The following LGSN variants were observed in gnomAD, a reference collection of about 807,000 sequenced individuals.
LGSN encodes the protein lengsin, lens protein with glutamine synthetase domain.
LGSN carries 21 observed loss-of-function variants against 19.5 expected under a neutral mutation model. The observed-to-expected ratio is 1.07, with a 90% CI of 0.76 to 1.55. The LOEUF (loss-of-function observed/expected upper bound fraction) is 1.55, where lower values mean the gene tolerates loss of function less well. Ranked by LOEUF, LGSN falls within the 40% of genes most tolerant of loss-of-function variation. LGSN has a pLI of 0.00. For synonymous variants in LGSN, 257 were observed against 215.6 expected (o/e 1.19, Z -1.68); for missense variants, 673 against 608.5 (o/e 1.11, Z -1.12).
intron 1 of LGSN, among the ~76,000 whole-genome samples, chr6:63,297,978 T>C (rs1413337841): frequency 6.6e-6 from 1 of 152,232 alleles, no homozygotes; most frequent in Non-Finnish European, 1.5e-5. Flanking sequence ...ATCACTTTTC[T>C]TTTCCTGTCC....
intron 3 of LGSN, among the ~76,000 whole-genome samples, 176 bp downstream of exon 3, chr6:63,285,411 A>T (rs1157731665): frequency 6.6e-6 from 1 of 152,216 alleles, no homozygotes; most frequent in African/African-American, 2.4e-5. Flanking sequence ...GTACATGTTT[A>T]GCTCCTTGGG....
chr6:63,405,599 G>A, the LGSN span, among the ~76,000 whole-genome samples: 513 of 152,292 alleles, frequency 3.4e-3, 5 homozygotes, highest in African/African-American at 0.012. Context: ...CTGCATAAAT[G>A]TCTTCTTTTG....
At chr6:63,409,102 G>A in the LGSN span, among the ~76,000 whole-genome samples, 8 of 152,172 alleles carry the variant, frequency 5.3e-5, no homozygotes, top group East Asian at 1.5e-3. Context: ...TGTAGAGACA[G>A]GATCATGCTG....
intron 3 of LGSN, among the ~76,000 whole-genome samples, chr6:63,284,098 A>T (rs576692728): frequency 1.3e-5 from 2 of 152,318 alleles, no homozygotes; most frequent in East Asian, 3.9e-4. Flanking sequence ...CTCATTATTT[A>T]TACCTTCACA....
the LGSN span, among the ~76,000 whole-genome samples, chr6:63,551,286 G>A: frequency 3.3e-5 from 5 of 151,570 alleles, no homozygotes; most frequent in Admixed American, 6.6e-5. Context: ...GGCTGGTCTC[G>A]AATTCCTGAC....
the LGSN span, among the ~76,000 whole-genome samples, chr6:63,333,053 CAA>C: frequency 2.6e-5 from 4 of 151,770 alleles, no homozygotes; most frequent in East Asian, 7.8e-4. Context: ...AGTGTGGACC[CAA>C]AGAGTGAGCA....
At chr6:63,342,160 G>A in the LGSN span, among the ~76,000 whole-genome samples, 1 of 152,160 alleles carries the variant, frequency 6.6e-6, no homozygotes, top group Non-Finnish European at 1.5e-5. Flanking sequence ...TCTGTGTCAT[G>A]CTTTTGGTTG....
the LGSN span, among the ~76,000 whole-genome samples, chr6:63,378,420 T>C: frequency 3.3e-5 from 5 of 152,172 alleles, no homozygotes; most frequent in Non-Finnish European, 7.3e-5. Flanking sequence ...GATGTAATGT[T>C]TAATGCATAC....
At chr6:63,541,265 T>G in the LGSN span, among the ~76,000 whole-genome samples, 2 of 152,268 alleles carry the variant, frequency 1.3e-5, no homozygotes, top group South Asian at 4.1e-4. Flanking sequence ...GCCAGGTATC[T>G]TAGCTAGATT....
At chr6:63,364,407 C>T in the LGSN span, among the ~76,000 whole-genome samples, 1 of 152,090 alleles carries the variant, frequency 6.6e-6, no homozygotes, top group African/African-American at 2.4e-5. Flanking sequence ...ATATATGCGC[C>T]CAATACAGGA....
the LGSN span, among the ~76,000 whole-genome samples, chr6:63,511,246 CTTTTTTTTTTTTTT>C: frequency 3.0e-4 from 39 of 131,434 alleles, no homozygotes; most frequent in South Asian, 4.9e-4. Context: ...AAATAGATTT[CTTTTTTTTTTTTTT>C]TTTTTTTTTT....
At chr6:63,486,159 T>C in the LGSN span, among the ~76,000 whole-genome samples, 81,466 of 152,024 alleles carry the variant, frequency 0.54, 23,661 homozygotes, top group African/African-American at 0.77. Context: ...AAATTTGTAC[T>C]TAAGACATTT....
At chr6:63,488,010 G>A in the LGSN span, among the ~76,000 whole-genome samples, 1 of 151,844 alleles carries the variant, frequency 6.6e-6, no homozygotes, top group Non-Finnish European at 1.5e-5. Flanking sequence ...AGCTTTGAAG[G>A]CATTTAATTT....
the LGSN span, among the ~76,000 whole-genome samples, chr6:63,556,839 TA>T: frequency 6.6e-6 from 1 of 152,196 alleles, no homozygotes; most frequent in Admixed American, 6.5e-5. Context: ...CAGAAATTAG[TA>T]AACAATCTGT....
the LGSN span, among the ~76,000 whole-genome samples, chr6:63,484,355 A>G: frequency 1.3e-5 from 2 of 152,064 alleles, no homozygotes; most frequent in Non-Finnish European, 2.9e-5. Flanking sequence ...TCTACTAAAA[A>G]TCAAAAATAA....
chr6:63,458,168 A>G, the LGSN span, among the ~76,000 whole-genome samples: 1 of 152,032 alleles, frequency 6.6e-6, no homozygotes, highest in African/African-American at 2.4e-5. Context: ...CTGGGGTTCA[A>G]GCGATTCTCC....
At chr6:63,507,312 A>AT in the LGSN span, among the ~76,000 whole-genome samples, 1 of 152,208 alleles carries the variant, frequency 6.6e-6, no homozygotes, top group Non-Finnish European at 1.5e-5. Context: ...CCCTCCCTTC[A>AT]TGAGGCCCAA....
the LGSN span, among the ~76,000 whole-genome samples, chr6:63,459,642 TATTC>T: frequency 2.0e-5 from 3 of 152,120 alleles, no homozygotes; most frequent in African/African-American, 7.2e-5. Context: ...TCCTTTCACT[TATTC>T]AGTAGTAATC....
At chr6:63,328,984 C>A in the LGSN span, among the ~76,000 whole-genome samples, 1 of 152,192 alleles carries the variant, frequency 6.6e-6, no homozygotes, top group Non-Finnish European at 1.5e-5. Context: ...GGGCCCTGGT[C>A]CCTCTGGCTA....
Sources: allele counts gnomAD v4.1 joint callset (sites outside exome capture counted in the v4.1 genomes callset), GRCh38; gene constraint gnomAD v4.1.1; transcripts MANE v1.5; gene names NCBI Gene and HGNC (gene_info 2026-07-23, HGNC 2026-07-21).